The following UBE4B variants were observed in gnomAD, a reference collection of about 807,000 sequenced individuals.
UBE4B encodes ubiquitin conjugation factor E4 B.
In UBE4B, 27 loss-of-function variants were observed where a neutral mutation model predicts 148.1. The observed-to-expected ratio is 0.18, with a 90% CI of 0.13 to 0.25. The LOEUF (loss-of-function observed/expected upper bound fraction) is 0.25. Among genes scored for constraint, UBE4B ranks in the 10% least tolerant of loss-of-function variants. The pLI is 1.00. For synonymous variants in UBE4B, 596 were observed against 619.3 expected (o/e 0.96, Z 0.56); for missense variants, 1,170 against 1,662.4 (o/e 0.70, Z 5.15).
Position 10,073,885 on chromosome 1 carries a change from C to T in UBE4B, c.211+1671C>T, listed in dbSNP as rs147565397. 7.1e-3 allele frequency among the ~76,000 whole-genome samples: 1,072 copies of T among 151,032 alleles called. 4 individuals are homozygous for T. Among genetic ancestry groups the T allele is most frequent in the Non-Finnish European group, 0.01 (687 of 67,864 alleles). ...ACCTCATTCTCCATGCTCACTCTCT[C>T]AGCTAGTGGCCTGGCTTCCCATTTC... On this transcript the variant is annotated intron_variant, in intron 2 of 27. Coordinates refer to ENST00000343090, the MANE Select transcript of UBE4B (RefSeq NM_001105562.3).
intron 14 of UBE4B, 79 bp downstream of exon 14, chr1:10,130,892 CT>C: frequency 7.7e-7 from 1 of 1,291,072 alleles, no homozygotes; most frequent in Non-Finnish European, 1.1e-6. Context: ...GTAGACTGGA[CT>C]ATGCCCAGTA....
intron 14 of UBE4B, among the ~76,000 whole-genome samples, chr1:10,131,777 C>A (rs777637139): frequency 5.3e-5 from 8 of 152,068 alleles, no homozygotes; most frequent in Non-Finnish European, 7.4e-5. Context: ...ATGGTGAAAC[C>A]CCATCTCTAC....
At chr1:10,112,789 T>G (rs762322998) in intron 7 of UBE4B, among the ~76,000 whole-genome samples, 5 of 152,356 alleles carry the variant, frequency 3.3e-5, no homozygotes, top group Middle Eastern at 3.4e-3. Flanking sequence ...GTAAATCAGT[T>G]TTTGACCATT....
intron 1 of UBE4B, among the ~76,000 whole-genome samples, chr1:10,048,332 A>G (rs1478149333): frequency 1.3e-5 from 2 of 152,126 alleles, no homozygotes; most frequent in Admixed American, 6.5e-5. Context: ...CTTTGTCCAT[A>G]TGGAGATGTG....
chr1:10,152,945 C>T (rs1646001555), intron 21 of UBE4B, among the ~76,000 whole-genome samples: 1 of 151,182 alleles, frequency 6.6e-6, no homozygotes, highest in Non-Finnish European at 1.5e-5. Context: ...AGCTAGGACC[C>T]AGTCCTCTGT....
At chr1:10,123,138 A>G (rs978263079) in intron 10 of UBE4B, among the ~76,000 whole-genome samples, 3 of 152,110 alleles carry the variant, frequency 2.0e-5, no homozygotes, top group African/African-American at 7.2e-5. Flanking sequence ...TCAGGAAAAT[A>G]AATCACTGTC....
At chr1:10,094,521 C>T (rs1644898803) in intron 2 of UBE4B, among the ~76,000 whole-genome samples, 1 of 151,710 alleles carries the variant, frequency 6.6e-6, no homozygotes, top group South Asian at 2.1e-4. Flanking sequence ...GCAACCTCCG[C>T]CTCCCGGGTT....
intron 2 of UBE4B, among the ~76,000 whole-genome samples, chr1:10,093,071 A>G (rs570273519): frequency 2.4e-4 from 37 of 152,348 alleles, no homozygotes; most frequent in Admixed American, 1.1e-3. Flanking sequence ...TTGCTACAGT[A>G]TTATTGTACA....
intron 23 of UBE4B, among the ~76,000 whole-genome samples, chr1:10,166,970 CAA>C (rs796133568): frequency 0.09 from 11,919 of 132,850 alleles, 662 homozygotes; most frequent in African/African-American, 0.17. Context: ...CACACACACA[CAA>C]AAAAAAAAAA....
intron 27 of UBE4B, 52 bp from the exon 28 acceptor site, chr1:10,179,843 A>T: frequency 6.2e-7 from 1 of 1,602,058 alleles, no homozygotes; most frequent in Admixed American, 1.7e-5. Context: ...ATCCTCTCTC[A>T]GGAAGAGCCC....
intron 2 of UBE4B, among the ~76,000 whole-genome samples, chr1:10,084,433 G>C (rs1449396853): frequency 1.3e-5 from 2 of 151,830 alleles, no homozygotes; most frequent in East Asian, 3.9e-4. Flanking sequence ...CCCTGTTGCT[G>C]TCCCAGTCAA....
At chr1:10,056,512 C>T (rs1206676329) in intron 1 of UBE4B, among the ~76,000 whole-genome samples, 1 of 152,170 alleles carries the variant, frequency 6.6e-6, no homozygotes, top group Non-Finnish European at 1.5e-5. Context: ...TCCCTGCTCT[C>T]TTGGAGCTTG....
chr1:10,166,491 AAAATAATG>A (rs1646247760), intron 23 of UBE4B: 1 of 152,262 alleles, frequency 6.6e-6, no homozygotes, highest in Non-Finnish European at 1.5e-5. Flanking sequence ...TCATAGTTTT[AAAATAATG>A]AAGACTGGCT....
intron 25 of UBE4B, among the ~76,000 whole-genome samples, chr1:10,173,201 G>A (rs1003313541): frequency 2.0e-5 from 3 of 152,134 alleles, no homozygotes; most frequent in African/African-American, 7.2e-5. Flanking sequence ...ACTGCTGGCC[G>A]AGCGCGGTGG....
In UBE4B at chr1:10,101,089, T is replaced by A; in HGVS notation, c.348-19T>A. The A allele has an allele frequency of 6.2e-7, 1 of 1,610,694 alleles. No homozygotes were observed. The highest frequency in any genetic ancestry group is 1.1e-5 in the South Asian group (1 of 90,960). On this transcript the variant is annotated intron_variant, in intron 3 of 27. Coordinates refer to ENST00000343090, the MANE Select transcript of UBE4B (RefSeq NM_001105562.3). ...GATTTATAAAAGGTAAAAGGCTTGT[T>A]TGTCTTTTGTACTTTAAGCATGTCC... is the stretch of plus-strand genomic sequence containing the variant.
chr1:10,137,349 C>G, intron 17 of UBE4B, 144 bp downstream of exon 17: 3 of 1,047,488 alleles, frequency 2.9e-6, no homozygotes, highest in East Asian at 2.4e-5. Context: ...ACCGCCACAT[C>G]CATGTTGCTC....
At chr1:10,042,633 T>C (rs115625504) in intron 1 of UBE4B, among the ~76,000 whole-genome samples, 7,909 of 152,156 alleles carry the variant, frequency 0.052, 311 homozygotes, top group African/African-American at 0.11. Flanking sequence ...GGCGACAGAG[T>C]GAGACTGTGT....
intron 25 of UBE4B, among the ~76,000 whole-genome samples, chr1:10,175,127 C>CT (rs1646398340): frequency 6.6e-6 from 1 of 152,108 alleles, no homozygotes; most frequent in Non-Finnish European, 1.5e-5. Context: ...AGCCACTGAG[C>CT]TTGATGCTCA....
intron 2 of UBE4B, 39 bp from the exon 3 acceptor site, chr1:10,095,422 T>C: frequency 6.2e-7 from 1 of 1,609,320 alleles, no homozygotes; most frequent in Non-Finnish European, 8.5e-7. Flanking sequence ...TGAACATTAT[T>C]TCACATGGGG....
Sources: gnomAD v4.1 joint callset for allele counts (sites outside exome capture counted in the v4.1 genomes callset) on GRCh38, gnomAD v4.1.1 for gene constraint, MANE v1.5 for transcripts, NCBI Gene and HGNC (gene_info 2026-07-23, HGNC 2026-07-21) for gene names.